The following LDLRAD4 variants were observed in gnomAD, a reference collection of about 807,000 sequenced individuals.
The protein encoded by LDLRAD4 is low-density lipoprotein receptor class A domain-containing protein 4.
In LDLRAD4, 5 loss-of-function variants were observed where a neutral mutation model predicts 17.0. The observed-to-expected ratio is 0.29, with a 90% CI of 0.15 to 0.62. The LOEUF (loss-of-function observed/expected upper bound fraction) is 0.62, where lower values mean the gene tolerates loss of function less well. Ranked by LOEUF, LDLRAD4 falls within the 20% of genes least tolerant of loss-of-function variation. The pLI is 0.84. For synonymous variants in LDLRAD4, 168 were observed against 171.8 expected (o/e 0.98, Z 0.17); for missense variants, 340 against 424.7 (o/e 0.80, Z 1.75).
chr18:13,632,055 A>G (rs2041711772), intron 4 of LDLRAD4, among the ~76,000 whole-genome samples: 2 of 152,278 alleles, frequency 1.3e-5, no homozygotes, highest in Admixed American at 1.3e-4. Context: ...TCAGTGTCAT[A>G]CACTACATTA....
chr18:13,354,552 C>G (rs759795672), intron 1 of LDLRAD4, among the ~76,000 whole-genome samples: 13 of 152,082 alleles, frequency 8.5e-5, no homozygotes, highest in Non-Finnish European at 1.6e-4. Flanking sequence ...TAGAGGCAGT[C>G]TGAACTAAAT....
intron 3 of LDLRAD4, among the ~76,000 whole-genome samples, chr18:13,495,535 T>C (rs747152629): frequency 5.3e-5 from 8 of 152,214 alleles, no homozygotes; most frequent in Non-Finnish European, 1.2e-4. Context: ...ATTTCCCCCA[T>C]TCCTGAAGTA....
At chr18:13,276,167 C>T (rs1227131158), upstream of LDLRAD4, among the ~76,000 whole-genome samples, 4 of 152,066 alleles carry the variant, frequency 2.6e-5, no homozygotes, top group Non-Finnish European at 5.9e-5. Context: ...CACCACCACG[C>T]TCAGCTAATT....
At chr18:13,245,400 G>A (rs968036991) in intron 1 of LDLRAD4, among the ~76,000 whole-genome samples, 5 of 152,210 alleles carry the variant, frequency 3.3e-5, no homozygotes, top group African/African-American at 1.2e-4. Context: ...ATTCCAGCAG[G>A]AAATACTACC....
chr18:13,446,147 A>C (rs1234287745), intron 3 of LDLRAD4, among the ~76,000 whole-genome samples: 1 of 152,144 alleles, frequency 6.6e-6, no homozygotes. Flanking sequence ...CACTGTTTAC[A>C]TGCATCATCT....
At chr18:13,497,175 A>T (rs1600833927) in intron 3 of LDLRAD4, among the ~76,000 whole-genome samples, 2 of 152,214 alleles carry the variant, frequency 1.3e-5, no homozygotes, top group South Asian at 4.2e-4. Flanking sequence ...ATTTCAACTT[A>T]AAGAAGGGTT....
chr18:13,558,985 G>A (rs1326902507), intron 3 of LDLRAD4, among the ~76,000 whole-genome samples: 3 of 150,836 alleles, frequency 2.0e-5, no homozygotes, highest in African/African-American at 4.9e-5. Flanking sequence ...AATGCGACTC[G>A]CAGGCACTGA....
chr18:13,301,062 G>A (rs576924482), intron 1 of LDLRAD4, among the ~76,000 whole-genome samples: 2 of 151,322 alleles, frequency 1.3e-5, no homozygotes, highest in East Asian at 1.9e-4. Context: ...GAAGGAGGCC[G>A]AACTGGCCGG....
chr18:13,330,761 G>T (rs1209385139), intron 1 of LDLRAD4, among the ~76,000 whole-genome samples: 1 of 152,186 alleles, frequency 6.6e-6, no homozygotes, highest in African/African-American at 2.4e-5. Flanking sequence ...CTGGTCACCA[G>T]AAAGACCAAG....
intron 3 of LDLRAD4, among the ~76,000 whole-genome samples, chr18:13,461,826 A>G (rs1360017759): frequency 6.6e-6 from 1 of 152,220 alleles, no homozygotes; most frequent in Non-Finnish European, 1.5e-5. Context: ...TTATACTCCT[A>G]TGCAAGACTT....
At chr18:13,605,845 A>AT (rs922293517) in intron 3 of LDLRAD4, among the ~76,000 whole-genome samples, 8 of 152,134 alleles carry the variant, frequency 5.3e-5, no homozygotes, top group Non-Finnish European at 8.8e-5. Context: ...CGGCTTGCTC[A>AT]TTTCATCCAG....
At chr18:13,562,639 C>G (rs1027201288) in intron 3 of LDLRAD4, among the ~76,000 whole-genome samples, 3 of 152,202 alleles carry the variant, frequency 2.0e-5, no homozygotes, top group African/African-American at 7.2e-5. Flanking sequence ...ATCTCCCCAT[C>G]GTCCCTAATG....
At chr18:13,430,956 T>A (rs1212599861) in intron 2 of LDLRAD4, among the ~76,000 whole-genome samples, 1 of 152,194 alleles carries the variant, frequency 6.6e-6, no homozygotes, top group Non-Finnish European at 1.5e-5. Flanking sequence ...GAAGTACCAT[T>A]GATCCTCATG....
chr18:13,496,697 C>A (rs2093477040), intron 3 of LDLRAD4, among the ~76,000 whole-genome samples: 1 of 152,156 alleles, frequency 6.6e-6, no homozygotes, highest in Non-Finnish European at 1.5e-5. Context: ...GTCAAAGTCC[C>A]CCATACTCGA....
intron 4 of LDLRAD4, among the ~76,000 whole-genome samples, chr18:13,634,891 C>A (rs1307032656): frequency 6.6e-6 from 1 of 151,648 alleles, no homozygotes; most frequent in Non-Finnish European, 1.5e-5. Context: ...AATATATAGA[C>A]CAGTGGAATA....
At chr18:13,632,312 C>T (rs1393680600) in intron 4 of LDLRAD4, among the ~76,000 whole-genome samples, 1 of 152,238 alleles carries the variant, frequency 6.6e-6, no homozygotes, top group Admixed American at 6.5e-5. Flanking sequence ...CCACACCTGC[C>T]AAGGGCAAGC....
chr18:13,601,364 ATAGG>A (rs1379964186), intron 3 of LDLRAD4, among the ~76,000 whole-genome samples: 2 of 152,218 alleles, frequency 1.3e-5, no homozygotes, highest in Non-Finnish European at 2.9e-5. Context: ...ACCAACAAAC[ATAGG>A]AAAAAATGCT....
chr18:13,576,522 A>T (rs1373506768), intron 3 of LDLRAD4, among the ~76,000 whole-genome samples: 1 of 152,056 alleles, frequency 6.6e-6, no homozygotes, highest in African/African-American at 2.4e-5. Flanking sequence ...TTGCCAGCTC[A>T]CATTGTGACT....
At chr18:13,285,547 C>T (rs1435405756) in intron 1 of LDLRAD4, among the ~76,000 whole-genome samples, 8 of 152,178 alleles carry the variant, frequency 5.3e-5, no homozygotes, top group Non-Finnish European at 8.8e-5. Context: ...GTGCTTCCTG[C>T]AGGAGGCTTC....
Sources: allele counts gnomAD v4.1 joint callset (sites outside exome capture counted in the v4.1 genomes callset), GRCh38; gene constraint gnomAD v4.1.1; transcripts MANE v1.5; gene names NCBI Gene and HGNC (gene_info 2026-07-23, HGNC 2026-07-21).